BABAM2: variants seen among roughly 807,000 people sequenced by gnomAD.
BABAM2 encodes the protein BRISC and BRCA1-A complex member 2.
BABAM2 carries 31 observed loss-of-function variants against 54.7 expected under a neutral mutation model. The observed-to-expected ratio is 0.57, with a 90% CI of 0.43 to 0.77. The LOEUF is 0.77. Ranked by LOEUF, BABAM2 falls within the 30% of genes least tolerant of loss-of-function variation. The pLI is 0.00. For missense variants in BABAM2, 364 were observed against 455.8 expected (o/e 0.80, Z 1.83); for synonymous variants, 167 against 162.9 (o/e 1.03, Z -0.19).
chr2:27,890,296 G>A (rs138553386), upstream of BABAM2: 7 of 1,613,574 alleles, frequency 4.3e-6, no homozygotes, highest in Non-Finnish European at 5.1e-6. This position sits in a 1 kb window ranked among gnomAD's most constrained non-coding sequence, Gnocchi z 4.8. Context: ...CACTACCACC[G>A]CCGCCACCTC....
chr2:28,156,054 G>A (rs919297561), intron 7 of BABAM2, among the ~76,000 whole-genome samples: 1 of 152,182 alleles, frequency 6.6e-6, no homozygotes, highest in Non-Finnish European at 1.5e-5. Flanking sequence ...TATTAGTAAT[G>A]CTTCTTTTTC....
At chr2:28,042,590 A>G (rs1677192406) in intron 5 of BABAM2, among the ~76,000 whole-genome samples, 1 of 152,150 alleles carries the variant, frequency 6.6e-6, no homozygotes. Flanking sequence ...ACCTTGAGGA[A>G]CTGTTTTGGT....
chr2:28,269,833 T>C (rs1685269689), intron 10 of BABAM2, among the ~76,000 whole-genome samples: 1 of 150,492 alleles, frequency 6.6e-6, no homozygotes, highest in African/African-American at 2.4e-5. Flanking sequence ...TTGAGATATT[T>C]TGGATTTTTT....
intron 10 of BABAM2, among the ~76,000 whole-genome samples, chr2:28,245,645 G>A (rs1180263198): frequency 2.0e-5 from 3 of 152,146 alleles, no homozygotes; most frequent in Non-Finnish European, 4.4e-5. Flanking sequence ...AATTTGGTAC[G>A]TACAATGTTC....
chr2:28,077,081 T>G (rs1664756423), intron 6 of BABAM2, among the ~76,000 whole-genome samples: 1 of 152,190 alleles, frequency 6.6e-6, no homozygotes, highest in Admixed American at 6.5e-5. Context: ...CTTTTCAGCC[T>G]TTAGGTTTTA....
At chr2:27,969,757 A>G (rs1054115148) in intron 3 of BABAM2, among the ~76,000 whole-genome samples, 1 of 152,108 alleles carries the variant, frequency 6.6e-6, no homozygotes, top group African/African-American at 2.4e-5. Flanking sequence ...GGTAGTGACA[A>G]CTGGGGGAGG....
At position 28,147,809 on chromosome 2, in the gene BABAM2, T is replaced by C. The variant is rs1045403500; in HGVS notation, c.680+18429T>C. On this transcript the variant is annotated intron_variant, in intron 7 of 11. Coordinates refer to ENST00000379624, the MANE Select transcript of BABAM2 (RefSeq NM_199191.3). Reference sequence around the variant, plus strand: ...AATTATTTTAGTAATAGGACACATGTCTCAACGTGGATGTTGTACTCATTT... The same window carrying C: ...AATTATTTTAGTAATAGGACACATGCCTCAACGTGGATGTTGTACTCATTT... Among the ~76,000 whole-genome samples, 37 of 152,182 alleles carry C rather than the reference T, an allele frequency of 2.4e-4. 1 individual carries two copies. The highest frequency in any genetic ancestry group is 8.4e-4 in the African/African-American group (35 of 41,456).
chr2:27,947,999 G>A (rs913452350), intron 3 of BABAM2, among the ~76,000 whole-genome samples: 5 of 152,178 alleles, frequency 3.3e-5, no homozygotes, highest in Admixed American at 1.3e-4. Context: ...TAGTTTGATA[G>A]TAAGTTTGGA....
intron 6 of BABAM2, among the ~76,000 whole-genome samples, chr2:28,116,498 C>T (rs1372418009): frequency 6.6e-6 from 1 of 152,178 alleles, no homozygotes; most frequent in East Asian, 1.9e-4. Flanking sequence ...GCCATGGGCA[C>T]AGACAGTCTG....
chr2:28,125,540 ACCTCGG>A (rs1048743866), intron 6 of BABAM2, among the ~76,000 whole-genome samples: 15 of 152,052 alleles, frequency 9.9e-5, no homozygotes, highest in Admixed American at 5.2e-4. Flanking sequence ...TAATCCACCC[ACCTCGG>A]CCTCCCAAAG....
chr2:28,256,691 TTC>T (rs1684003152), intron 10 of BABAM2, among the ~76,000 whole-genome samples: 1 of 115,906 alleles, frequency 8.6e-6, no homozygotes, highest in East Asian at 4.0e-4. Context: ...GATGGCTCAC[TTC>T]TTTTTTTTTT....
chr2:27,972,575 A>G (rs1022106804), intron 3 of BABAM2, among the ~76,000 whole-genome samples: 2 of 152,152 alleles, frequency 1.3e-5, no homozygotes, highest in Non-Finnish European at 2.9e-5. Context: ...AGTCTTTGAA[A>G]TGTGGCTAGT....
chr2:28,184,257 T>C (rs1207818547), intron 7 of BABAM2, among the ~76,000 whole-genome samples: 185 of 65,264 alleles, frequency 2.8e-3, no homozygotes, highest in South Asian at 5.1e-3. Flanking sequence ...TCTCCCTCCC[T>C]CCCTCCCTCT....
chr2:28,035,867 A>G (rs1019343911), intron 5 of BABAM2, among the ~76,000 whole-genome samples: 1 of 152,122 alleles, frequency 6.6e-6, no homozygotes, highest in Non-Finnish European at 1.5e-5. Flanking sequence ...TTCCAAAGGA[A>G]CTCTGTTACT....
At chr2:27,999,931 G>A (rs1021929605) in intron 4 of BABAM2, among the ~76,000 whole-genome samples, 4 of 152,036 alleles carry the variant, frequency 2.6e-5, no homozygotes, top group Admixed American at 2.6e-4. Flanking sequence ...TGTGCTTTTG[G>A]TATACAGGAT....
intron 10 of BABAM2, among the ~76,000 whole-genome samples, chr2:28,254,316 T>C (rs1573938882): frequency 6.6e-6 from 1 of 152,202 alleles, no homozygotes; most frequent in East Asian, 1.9e-4. Context: ...TTTGTATTTT[T>C]TGTAGATACG....
Position 28,273,487 on chromosome 2 carries a change from G to C in BABAM2, c.935-24851G>C, listed in dbSNP as rs191946728. 1.8e-3 allele frequency among the ~76,000 whole-genome samples: 277 copies of C among 152,304 alleles called. 8 individuals are homozygous for C. In the South Asian group the frequency reaches 0.038, roughly 21 times the overall value. ...TAATCCCAGCACTTTGGGAGGCCGA[G>C]GTGGGAGGATCACTTGAGGTCAGGA... On this transcript the variant is annotated intron_variant, in intron 10 of 11. Transcript: ENST00000379624.
chr2:27,890,256 C>A (rs775986725), upstream of BABAM2: 1 of 1,613,600 alleles, frequency 6.2e-7, no homozygotes, highest in Admixed American at 1.7e-5. The surrounding 1 kb of genome is among the most constrained non-coding windows in gnomAD (Gnocchi z 4.8). Flanking sequence ...CCCGGACTAA[C>A]CTGACCAGGT....
At chr2:28,253,203 A>G (rs1034548791) in intron 10 of BABAM2, among the ~76,000 whole-genome samples, 2 of 152,058 alleles carry the variant, frequency 1.3e-5, no homozygotes, top group African/African-American at 4.8e-5. Context: ...CAGGAGTTCA[A>G]GACTTGGCCA....
Sources: allele counts gnomAD v4.1 joint callset (sites outside exome capture counted in the v4.1 genomes callset), GRCh38; gene constraint gnomAD v4.1.1; non-coding constraint Gnocchi (gnomAD v3.1); transcripts MANE v1.5; gene names NCBI Gene and HGNC (gene_info 2026-07-23, HGNC 2026-07-21).